The following GANC variants were observed in gnomAD, a reference collection of about 807,000 sequenced individuals.
GANC encodes the protein glucosidase alpha, neutral C, also known as neutral alpha-glucosidase C.
A neutral mutation model predicts 124.2 loss-of-function variants in GANC; 117 were observed. The ratio of observed to expected loss-of-function variants is 0.94; its 90% CI spans 0.81 to 1.10. GANC has a LOEUF of 1.10. Among genes scored for constraint, GANC ranks in the 50% least tolerant of loss-of-function variants. The pLI, the probability that GANC is intolerant of heterozygous loss-of-function variation, is 0.00. For missense variants in GANC, 1,140 were observed against 1,095.0 expected (o/e 1.04, Z -0.58); for synonymous variants, 377 against 376.8 (o/e 1.00, Z -0.01).
chr15:42,338,261 A>T, intron 15 of GANC, 128 bp from the exon 16 acceptor site: 1 of 523,850 alleles, frequency 1.9e-6, no homozygotes. Flanking sequence ...ATTAGAATTT[A>T]TTTATTTTAA....
At position 42,278,600 on chromosome 15, in the gene GANC, A is replaced by G. The variant is rs778157806; in HGVS notation, c.201+10A>G. ...CAATGAAGCAAGTAAGGTGAGATGG[A>G]AGTATTTTCTACAGAGAATAATTTG... On this transcript the variant is annotated intron_variant, in intron 3 of 23. Transcript: ENST00000318010. 10 of 1,567,572 alleles carry G rather than the reference A, an allele frequency of 6.4e-6. 1 individual carries two copies. The highest frequency in any genetic ancestry group is 1.7e-5 in the Admixed American group (1 of 58,984).
In GANC at chr15:42,329,404, C is replaced by T; in HGVS notation, c.1599C>T (p.Gly533=). Residue 533 remains glycine (G), a synonymous_variant, in exon 14 of 24, where the codon GGC becomes GGT. Coordinates refer to ENST00000318010, the MANE Select transcript of GANC (RefSeq NM_198141.3). The part of the protein sequence containing the change: ...QTMQKNAIHH[G]NWEHRELHNI... ...TGCAGAAGAATGCCATTCATCATGG[C>T]AATTGGGAGCACAGAGAGCTCCACA... 2 of 1,613,838 alleles carry T rather than the reference C, an allele frequency of 1.2e-6. No individual in the cohort carries two copies. Among genetic ancestry groups the T allele is most frequent in the African/African-American group, 2.7e-5 (2 of 75,020 alleles).
chr15:42,319,960 G>A (rs1415333493), intron 10 of GANC, among the ~76,000 whole-genome samples: 4 of 152,050 alleles, frequency 2.6e-5, no homozygotes, highest in Admixed American at 6.6e-5. Context: ...CAAGATGGGC[G>A]ATCACCTAAT....
At position 42,310,708 on chromosome 15, in the gene GANC, A is replaced by G. The variant is rs969261502; in HGVS notation, c.919A>G (p.Met307Val). 1 of 1,611,498 alleles carries G rather than the reference A, an allele frequency of 6.2e-7. No individual in the cohort carries two copies. The highest frequency in any genetic ancestry group is 1.1e-5 in the South Asian group (1 of 91,044). The change falls in exon 10 of 24, where the codon ATG (methionine) becomes GTG (valine). Residue 307 changes from methionine to valine, a missense_variant. By Grantham distance (21) the Met-to-Val change is conservative. Transcript: ENST00000318010. ...CTTTTTCCAGTACACACTGACCCAG[A>G]TGGGCCCAGTTGCTGCTAAACAAAA... The part of the protein sequence containing the change: ...EPAVEYTLTQ[M>V]GPVAAKQKVR...
At position 42,278,578 on chromosome 15, in the gene GANC, T is replaced by G. The variant is rs1371796072; in HGVS notation, c.189T>G (p.Asn63Lys). ...DEDSTRFQII[N>K]EASKVPLLAE... ...ACAGCACCAGGTTCCAAATCATCAA[T>G]GAAGCAAGTAAGGTGAGATGGAAGT... Residue 63 changes from asparagine (N) to lysine (K), a missense_variant, in exon 3 of 24, where the codon AAT becomes AAG. Asn to Lys is a moderately conservative substitution (Grantham distance 94). Coordinates refer to ENST00000318010, the MANE Select transcript of GANC (RefSeq NM_198141.3). The G allele has an allele frequency of 1.2e-6, 2 of 1,608,726 alleles. No individual in the cohort carries two copies. Among genetic ancestry groups the G allele is most frequent in the Non-Finnish European group, 1.7e-6 (2 of 1,176,254 alleles).
At chr15:42,274,553 T>A in intron 1 of GANC, 43 bp downstream of exon 1, 1 of 1,566,662 alleles carries the variant, frequency 6.4e-7, no homozygotes. Flanking sequence ...CCAGGGTCCC[T>A]AGAAACAGGG....
Position 42,338,259 on chromosome 15 carries a change from T to G in GANC, c.1742-130T>G, listed in dbSNP as rs543798877. Reference sequence around the variant, plus strand: ...ACTTTTCATTGTAGAAAATTAGAATTTATTTATTTTAAGGCAAGAAATTGG... The same window carrying G: ...ACTTTTCATTGTAGAAAATTAGAATGTATTTATTTTAAGGCAAGAAATTGG... On this transcript the variant is annotated intron_variant, in intron 15 of 23. Transcript: ENST00000318010. 5 of 519,134 alleles carry G rather than the reference T, an allele frequency of 9.6e-6. No individual in the cohort carries two copies. The Admixed American group carries it at 1.9e-4, about 20-fold the overall frequency. The allele number at this position is 519,134 out of a possible 1,614,324, so 32.2% of individuals were successfully genotyped here.
chr15:42,330,953 A>C (rs2052240052), intron 15 of GANC, among the ~76,000 whole-genome samples: 1 of 151,812 alleles, frequency 6.6e-6, no homozygotes, highest in African/African-American at 2.4e-5. Context: ...ACACCCAGCT[A>C]ATTTATATAT....
chr15:42,303,620 G>A (rs1322751114), intron 6 of GANC, among the ~76,000 whole-genome samples: 8 of 143,256 alleles, frequency 5.6e-5, no homozygotes, highest in Non-Finnish European at 1.0e-4. Context: ...CATCTCACGT[G>A]CAGAGACACC....
At chr15:42,339,207 C>T (rs1324169907) in intron 16 of GANC, among the ~76,000 whole-genome samples, 1 of 151,814 alleles carries the variant, frequency 6.6e-6, no homozygotes, top group Non-Finnish European at 1.5e-5. Flanking sequence ...TAATCAGAAC[C>T]TCTACTTCTG....
chr15:42,341,453 A>G (rs1253316965), intron 18 of GANC, among the ~76,000 whole-genome samples: 1 of 152,196 alleles, frequency 6.6e-6, no homozygotes, highest in Non-Finnish European at 1.5e-5. Flanking sequence ...CTCTTCTTTA[A>G]CAAAGATTAA....
chr15:42,352,006 C>T (rs2052445901), intron 23 of GANC, 24 bp from the exon 24 acceptor site: 1 of 1,612,554 alleles, frequency 6.2e-7, no homozygotes, highest in Admixed American at 1.7e-5. Context: ...CAAAATTTCC[C>T]TCTTTTATTG....
Position 42,327,353 on chromosome 15 carries a change from G to T in GANC, c.1421-10G>T. 6.2e-7 allele frequency: 1 copy of T among 1,606,464 alleles called. No homozygotes were observed. The highest frequency in any genetic ancestry group is 8.5e-7 in the Non-Finnish European group (1 of 1,174,372). ...TTCTTGACAGGCTATCTACTGTTCTGCCTCCACAGGTCTCTCCTCTTACCT... is the reference window on the plus strand; with the variant it reads ...TTCTTGACAGGCTATCTACTGTTCTTCCTCCACAGGTCTCTCCTCTTACCT... On this transcript the variant is annotated splice_polypyrimidine_tract_variant and intron_variant, in intron 12 of 23. Coordinates refer to ENST00000318010, the MANE Select transcript of GANC (RefSeq NM_198141.3).
intron 16 of GANC, among the ~76,000 whole-genome samples, chr15:42,339,114 T>A (rs986888406): frequency 1.3e-5 from 2 of 152,136 alleles, no homozygotes; most frequent in African/African-American, 4.8e-5. Context: ...TTTTGATGCA[T>A]GTGTTTTTAT....
chr15:42,278,568 A>T lies in GANC; in HGVS notation c.179A>T (p.Gln60Leu), dbSNP rs766415759. 1 of 1,611,452 alleles carries T rather than the reference A, an allele frequency of 6.2e-7. No homozygotes were observed. The highest frequency in any genetic ancestry group is 1.3e-5 in the African/African-American group (1 of 74,836). ...ACAGATGAAGACAGCACCAGGTTCC[A>T]AATCATCAATGAAGCAAGTAAGGTG... ...VTTDEDSTRF[Q>L]IINEASKVPL... is the part of the protein sequence containing the mutation. The change falls in exon 3 of 24, where the codon CAA becomes CTA. Residue 60 changes from glutamine (Q) to leucine (L), a missense_variant. Physicochemically the swap from Gln to Leu is moderately radical, Grantham distance 113 (BLOSUM62 -2). Coordinates refer to ENST00000318010, the MANE Select transcript of GANC (RefSeq NM_198141.3).
chr15:42,282,700 C>A (rs1363232255), intron 3 of GANC, among the ~76,000 whole-genome samples: 1 of 152,176 alleles, frequency 6.6e-6, no homozygotes, highest in South Asian at 2.1e-4. Context: ...CCAATCTGCT[C>A]CTTAATAAAC....
In GANC at chr15:42,353,418, T is replaced by G; in HGVS notation, c.*1279T>G. On this transcript the variant is annotated 3_prime_UTR_variant, in exon 24 of 24. Transcript: ENST00000318010. Reference sequence around the variant, plus strand: ...GTGAACACCCCTACCCCCATACCCATTAGCAGTGATTTTGCCCTTCCCCGT... The same window carrying G: ...GTGAACACCCCTACCCCCATACCCAGTAGCAGTGATTTTGCCCTTCCCCGT... 1.0e-6 allele frequency: 1 copy of G among 962,846 alleles called. No individual in the cohort carries two copies. The highest frequency in any genetic ancestry group is 1.1e-4 in the East Asian group (1 of 8,722). The allele number at this position is 962,846 out of a possible 1,614,324, so 59.6% of individuals were successfully genotyped here.
In GANC at chr15:42,276,427, T is replaced by C. The variant is rs762957416; in HGVS notation, c.92+17T>C. The C allele has an allele frequency of 1.6e-6, 2 of 1,212,210 alleles. No individual in the cohort carries two copies. Among genetic ancestry groups the C allele is most frequent in the East Asian group, 2.3e-5 (1 of 42,702 alleles). The allele number at this position is 1,212,210 out of a possible 1,614,324, so 75.1% of individuals were successfully genotyped here. ...ATTTTACAGGTAAGGAAAATAAATA[T>C]AGTAGCTAGATCAAAACATCTCTGA... is the stretch of plus-strand genomic sequence containing the variant. On this transcript the variant is annotated intron_variant, in intron 2 of 23. Coordinates refer to ENST00000318010, the MANE Select transcript of GANC (RefSeq NM_198141.3).
In GANC at chr15:42,273,513, CTTGTT is replaced by C. The variant is rs926755000; in HGVS notation, c.-967_-963del. ...TCCGGGTCCTGGAAACGTCGCGGAG[CTTGTT>C]TGCTGTGCGGCGTAGCGGCCCCTCT... On this transcript the variant is annotated 5_prime_UTR_variant, in exon 1 of 24. Coordinates refer to ENST00000318010, the MANE Select transcript of GANC (RefSeq NM_198141.3). 4 of 1,507,444 alleles carry C rather than the reference CTTGTT, an allele frequency of 2.7e-6. No homozygotes were observed. The African/African-American group carries it at 4.1e-5, about 16-fold the overall frequency. The allele number at this position is 1,507,444 out of a possible 1,614,324, so 93.4% of individuals were successfully genotyped here.
Sources: gnomAD v4.1 joint callset for allele counts (sites outside exome capture counted in the v4.1 genomes callset) on GRCh38, gnomAD v4.1.1 for gene constraint, MANE v1.5 for transcripts, NCBI Gene and HGNC (gene_info 2026-07-23, HGNC 2026-07-21) for gene names.